The following SLC5A11 variants were observed in gnomAD, a reference collection of about 807,000 sequenced individuals.
SLC5A11 encodes the protein solute carrier family 5 member 11.
In SLC5A11, 48 loss-of-function variants were observed where a neutral mutation model predicts 69.8. The ratio of observed to expected loss-of-function variants is 0.69; its 90% CI spans 0.55 to 0.87. The LOEUF is 0.87. Ranked by LOEUF, SLC5A11 falls within the 40% of genes least tolerant of loss-of-function variation. The pLI, the probability that SLC5A11 is intolerant of heterozygous loss-of-function variation, is 0.00. For synonymous variants in SLC5A11, 319 were observed against 342.4 expected (o/e 0.93, Z 0.75); for missense variants, 784 against 866.1 (o/e 0.91, Z 1.19).
In SLC5A11 at chr16:24,847,919, G is replaced by T. The variant is rs931735090; in HGVS notation, c.-25+1481G>T. Reference sequence around the variant, plus strand: ...CTTTCTTTATGGGGCTTGCTGTGCAGTGCAGACAAGGGGTAATCACACACA... The same window carrying T: ...CTTTCTTTATGGGGCTTGCTGTGCATTGCAGACAAGGGGTAATCACACACA... On this transcript the variant is annotated intron_variant, in intron 1 of 15. Coordinates refer to ENST00000347898, the Ensembl canonical transcript of SLC5A11. Among the ~76,000 whole-genome samples the T allele has an allele frequency of 2.6e-5, 4 of 152,236 alleles. No individual in the cohort carries two copies. In the East Asian group the frequency reaches 5.8e-4, roughly 22 times the overall value.
At chr16:24,885,832 CAT>C (rs1224960535) in intron 8 of SLC5A11, among the ~76,000 whole-genome samples, 1 of 151,632 alleles carries the variant, frequency 6.6e-6, no homozygotes, top group Non-Finnish European at 1.5e-5. Flanking sequence ...CTCTATGAAA[CAT>C]GTATGAAAGA....
intron 12 of SLC5A11, 126 bp downstream of exon 13, chr16:24,907,301 T>C: frequency 9.6e-7 from 1 of 1,036,408 alleles, no homozygotes; most frequent in East Asian, 2.4e-5. Flanking sequence ...GTGCAAGACA[T>C]TCATTCATTC....
Position 24,860,022 on chromosome 16 carries a change from A to T in SLC5A11, c.135+1244A>T, listed in dbSNP as rs1015147241. ...AAAATTAGGCCAGGCGCGGTGGCTC[A>T]CGCCTGTAATCCCAGCACTTTGGGA... On this transcript the variant is annotated intron_variant, in intron 2 of 15. Coordinates refer to ENST00000347898, the Ensembl canonical transcript of SLC5A11. 9.2e-5 allele frequency among the ~76,000 whole-genome samples: 14 copies of T among 152,280 alleles called. No homozygotes were observed. In the East Asian group the frequency reaches 1.9e-3, roughly 21 times the overall value.
At chr16:24,864,155 C>T (rs935101323) in intron 3 of SLC5A11, among the ~76,000 whole-genome samples, 3 of 152,144 alleles carry the variant, frequency 2.0e-5, no homozygotes, top group African/African-American at 7.2e-5. Context: ...AGACATATTT[C>T]TGGGAATCTA....
chr16:24,862,714 T>C (rs1269970296), intron 3 of SLC5A11, 42 bp downstream of exon 4: 1 of 1,565,420 alleles, frequency 6.4e-7, no homozygotes, highest in Non-Finnish European at 8.8e-7. Context: ...TCTTAAAGAA[T>C]CTTCAAGTGC....
chr16:24,908,128 A>G, exon 13 of SLC5A11: 10 of 1,587,956 alleles, frequency 6.3e-6, no homozygotes, highest in Non-Finnish European at 8.6e-6. Context: ...GGACCAATGA[A>G]AAGGTAGCTC....
chr16:24,863,937 C>T (rs1006889448), intron 3 of SLC5A11, among the ~76,000 whole-genome samples: 3 of 152,358 alleles, frequency 2.0e-5, no homozygotes, highest in Non-Finnish European at 2.9e-5. Context: ...GAAAGCCCCA[C>T]CTGCTGGGCT....
intron 3 of SLC5A11, among the ~76,000 whole-genome samples, chr16:24,867,511 A>T (rs2046990582): frequency 1.3e-5 from 2 of 152,138 alleles, no homozygotes; most frequent in African/African-American, 4.8e-5. Flanking sequence ...AGAAAATAAC[A>T]AAGATTAGAG....
chr16:24,868,874 CTTT>C (rs112705793), intron 3 of SLC5A11, among the ~76,000 whole-genome samples: 3 of 136,906 alleles, frequency 2.2e-5, no homozygotes, highest in Non-Finnish European at 3.2e-5. Flanking sequence ...CTGGATCTGC[CTTT>C]TTTTTTTTTT....
chr16:24,847,073 G>A (rs752141313), intron 1 of SLC5A11, among the ~76,000 whole-genome samples: 1 of 152,172 alleles, frequency 6.6e-6, no homozygotes, highest in Non-Finnish European at 1.5e-5. Context: ...CTCAATTCCT[G>A]TGGCCATGAG....
At chr16:24,906,728 G>C in exon 11 of SLC5A11, 1 of 1,613,594 alleles carries the variant, frequency 6.2e-7, no homozygotes, top group Non-Finnish European at 8.5e-7. Context: ...TTCGGACATC[G>C]CGTATCCCAA....
chr16:24,850,435 C>A (rs544465165), intron 1 of SLC5A11, among the ~76,000 whole-genome samples: 12 of 152,360 alleles, frequency 7.9e-5, no homozygotes, highest in African/African-American at 2.9e-4. Flanking sequence ...CCACTAGGCT[C>A]CCTAGACCCA....
intron 7 of SLC5A11, among the ~76,000 whole-genome samples, chr16:24,880,381 C>G (rs2047961979): frequency 6.6e-6 from 1 of 152,094 alleles, no homozygotes; most frequent in Non-Finnish European, 1.5e-5. Context: ...TCTTTCATGG[C>G]TGGAGTGCAA....
intron 2 of SLC5A11, chr16:24,859,179 T>A (rs780003127): frequency 3.9e-5 from 6 of 154,798 alleles, no homozygotes; most frequent in Non-Finnish European, 7.2e-5. Flanking sequence ...TTTGTTTTGC[T>A]TTTTGAGGTG....
chr16:24,911,267 T>C (rs1488543406), intron 15 of SLC5A11, 61 bp from the exon 17 acceptor site: 13 of 1,527,542 alleles, frequency 8.5e-6, no homozygotes, highest in Admixed American at 1.7e-5. Context: ...AGTGTCCCTG[T>C]CTCACCTCTC....
At chr16:24,887,476 A>G (rs889088343) in intron 8 of SLC5A11, among the ~76,000 whole-genome samples, 11 of 152,210 alleles carry the variant, frequency 7.2e-5, no homozygotes, top group African/African-American at 2.4e-4. Context: ...ATCATGAAGA[A>G]GAAATACTGA....
At chr16:24,884,060 C>T in exon 8 of SLC5A11, 1 of 1,611,050 alleles carries the variant, frequency 6.2e-7, no homozygotes. Flanking sequence ...GGTGGCCTGG[C>T]TGCTGTGATC....
chr16:24,894,167 G>A (rs868261277), intron 9 of SLC5A11, among the ~76,000 whole-genome samples: 2 of 152,086 alleles, frequency 1.3e-5, no homozygotes, highest in Admixed American at 6.6e-5. Flanking sequence ...TCACACCTAA[G>A]TCCGTCTGCA....
intron 9 of SLC5A11, among the ~76,000 whole-genome samples, chr16:24,891,615 C>T (rs900406697): frequency 7.2e-5 from 11 of 152,146 alleles, no homozygotes; most frequent in African/African-American, 2.7e-4. Context: ...TGATCCACTG[C>T]AGCTGGCCTA....
Sources: gnomAD v4.1 joint callset for allele counts (sites outside exome capture counted in the v4.1 genomes callset) on GRCh38, gnomAD v4.1.1 for gene constraint, MANE v1.5 for transcripts, NCBI Gene and HGNC (gene_info 2026-07-23, HGNC 2026-07-21) for gene names.